ANKS1B: variants seen among roughly 807,000 people sequenced by gnomAD.
ANKS1B encodes ankyrin repeat and sterile alpha motif domain-containing protein 1B.
Under a neutral mutation model 148.3 loss-of-function variants are expected in ANKS1B, and 36 were observed. The observed-to-expected ratio is 0.24, with a 90% CI of 0.19 to 0.32. The LOEUF (loss-of-function observed/expected upper bound fraction) is 0.32. Among genes scored for constraint, ANKS1B ranks in the 10% least tolerant of loss-of-function variants. The pLI, the probability that ANKS1B is intolerant of heterozygous loss-of-function variation, is 1.00. For synonymous variants in ANKS1B, 542 were observed against 560.8 expected (o/e 0.97, Z 0.47); for missense variants, 1,157 against 1,542.6 (o/e 0.75, Z 4.19).
chr12:99,586,132 A>G (rs2097637106), intron 9 of ANKS1B, among the ~76,000 whole-genome samples: 1 of 152,290 alleles, frequency 6.6e-6, no homozygotes, highest in Admixed American at 6.5e-5. Context: ...ACTAAGTTGC[A>G]ATTCCAAACC....
chr12:99,954,694 T>G (rs938818298), intron 1 of ANKS1B, among the ~76,000 whole-genome samples: 3 of 152,170 alleles, frequency 2.0e-5, no homozygotes, highest in Non-Finnish European at 4.4e-5. Flanking sequence ...AGAAGCAATT[T>G]TGCCTCCCAG....
intron 12 of ANKS1B, among the ~76,000 whole-genome samples, chr12:99,322,350 G>T (rs1444076969): frequency 1.3e-5 from 2 of 151,916 alleles, no homozygotes; most frequent in African/African-American, 4.8e-5. Context: ...ACCAATGCCT[G>T]TTGTGGGGTG....
Position 99,539,836 on chromosome 12 carries a change from A to T in ANKS1B, c.1273-35195T>A, listed in dbSNP as rs188252281. ...CTTCTGCCTCACTCTGCCTGCCACA[A>T]AATGCTGAGATTACAGACAAGCCAC... On this transcript the variant is annotated intron_variant, in intron 9 of 26. Coordinates refer to ENST00000683438, the MANE Select transcript of ANKS1B (RefSeq NM_001352186.2). Among the ~76,000 whole-genome samples, 5 of 152,228 alleles carry T rather than the reference A, an allele frequency of 3.3e-5. No individual in the cohort carries two copies. The East Asian group carries it at 9.7e-4, about 29-fold the overall frequency.
intron 12 of ANKS1B, among the ~76,000 whole-genome samples, chr12:99,379,677 A>G (rs1307014488): frequency 6.6e-6 from 1 of 152,226 alleles, no homozygotes; most frequent in Non-Finnish European, 1.5e-5. Context: ...TAAAGCTAGA[A>G]TCTTCTGCCA....
intron 8 of ANKS1B, among the ~76,000 whole-genome samples, chr12:99,720,728 C>G (rs1048866246): frequency 6.6e-6 from 1 of 152,178 alleles, no homozygotes; most frequent in African/African-American, 2.4e-5. Flanking sequence ...TCATTCCAGA[C>G]ACCAGACCAA....
chr12:99,628,630 T>G (rs562553422), intron 9 of ANKS1B, among the ~76,000 whole-genome samples: 4 of 152,330 alleles, frequency 2.6e-5, no homozygotes, highest in Admixed American at 2.0e-4. Flanking sequence ...ACAGAATACT[T>G]CAGACTGGGT....
chr12:99,002,132 A>T (rs1056020459), intron 17 of ANKS1B, among the ~76,000 whole-genome samples: 1 of 152,210 alleles, frequency 6.6e-6, no homozygotes, highest in African/African-American at 2.4e-5. Flanking sequence ...TATTTCTTCA[A>T]GATACTTATT....
At chr12:99,597,289 C>CA (rs1406738585) in intron 9 of ANKS1B, among the ~76,000 whole-genome samples, 1 of 151,150 alleles carries the variant, frequency 6.6e-6, no homozygotes, top group African/African-American at 2.4e-5. Flanking sequence ...GCAAAAATTA[C>CA]AACACACTAC....
chr12:99,521,108 T>C (rs936325490), intron 9 of ANKS1B, among the ~76,000 whole-genome samples: 1 of 152,166 alleles, frequency 6.6e-6, no homozygotes, highest in African/African-American at 2.4e-5. Flanking sequence ...CTGTGTATTT[T>C]TAAACAGCCT....
chr12:99,294,185 A>G (rs1302181969), intron 12 of ANKS1B, among the ~76,000 whole-genome samples: 1 of 152,200 alleles, frequency 6.6e-6, no homozygotes, highest in Non-Finnish European at 1.5e-5. Context: ...TATATACCCA[A>G]ATGAAATGAA....
At chr12:99,924,398 C>T (rs973172004) in intron 1 of ANKS1B, among the ~76,000 whole-genome samples, 1 of 152,130 alleles carries the variant, frequency 6.6e-6, no homozygotes, top group African/African-American at 2.4e-5. Context: ...CTTTTTAAAA[C>T]TTACACTAAT....
chr12:99,039,622 C>T (rs777282086), intron 17 of ANKS1B, among the ~76,000 whole-genome samples: 2 of 152,228 alleles, frequency 1.3e-5, no homozygotes, highest in Non-Finnish European at 1.5e-5. Flanking sequence ...CACTCTGCTG[C>T]CTTGCAGCCC....
At position 98,829,198 on chromosome 12, in the gene ANKS1B, T is replaced by C. The variant is rs1037749411; in HGVS notation, c.3042A>G (p.Ser1014=). Residue 1014 remains serine (S), a synonymous_variant, in exon 19 of 27, where the codon TCA becomes TCG. Coordinates refer to ENST00000683438, the MANE Select transcript of ANKS1B (RefSeq NM_001352186.2). This position sits in a 1 kb window ranked among gnomAD's most constrained non-coding sequence, Gnocchi z 5.2. The part of the protein sequence containing the change: ...NENYFDDIPR[S]KLERQMAQQS... ...CCTGAGCCATCTGCCTCTCCAGTTT[T>C]GATCGGGGAATATCATCAAAGTAGT... The C allele has an allele frequency of 6.2e-7, 1 of 1,614,046 alleles. No homozygotes were observed. Among genetic ancestry groups the C allele is most frequent in the East Asian group, 2.2e-5 (1 of 44,890 alleles).
intron 17 of ANKS1B, among the ~76,000 whole-genome samples, chr12:98,858,837 C>G (rs2099584799): frequency 6.6e-6 from 1 of 152,190 alleles, no homozygotes; most frequent in East Asian, 1.9e-4. Context: ...TAACTAAACA[C>G]AACCTTAGCA....
intron 17 of ANKS1B, among the ~76,000 whole-genome samples, chr12:98,898,118 T>C (rs1048304705): frequency 2.0e-5 from 3 of 152,142 alleles, no homozygotes; most frequent in Admixed American, 2.0e-4. Context: ...TGTCCACTCT[T>C]TGGGGGATGA....
intron 1 of ANKS1B, among the ~76,000 whole-genome samples, chr12:99,901,491 G>C (rs1445376408): frequency 6.6e-6 from 1 of 152,048 alleles, no homozygotes; most frequent in African/African-American, 2.4e-5. Flanking sequence ...GCATGTGTAG[G>C]CTCTCTGCAC....
At chr12:99,807,661 A>C (rs887637242) in intron 3 of ANKS1B, among the ~76,000 whole-genome samples, 4 of 152,198 alleles carry the variant, frequency 2.6e-5, no homozygotes, top group African/African-American at 7.2e-5. Context: ...TTACTCATTT[A>C]ATCCTCATTA....
intron 12 of ANKS1B, among the ~76,000 whole-genome samples, chr12:99,372,227 G>A (rs1216349587): frequency 6.6e-6 from 1 of 151,906 alleles, no homozygotes; most frequent in South Asian, 2.1e-4. Context: ...GCACTTGTGG[G>A]GAGTAGGGAA....
intron 20 of ANKS1B, among the ~76,000 whole-genome samples, chr12:98,807,280 T>C (rs1212466470): frequency 1.3e-5 from 2 of 152,168 alleles, no homozygotes; most frequent in Non-Finnish European, 2.9e-5. Context: ...AATTCAGTAC[T>C]GTCAAATGGA....
Sources: allele counts gnomAD v4.1 joint callset (sites outside exome capture counted in the v4.1 genomes callset), GRCh38; gene constraint gnomAD v4.1.1; non-coding constraint Gnocchi (gnomAD v3.1); transcripts MANE v1.5; gene names NCBI Gene and HGNC (gene_info 2026-07-23, HGNC 2026-07-21).